Variants in DCP2 observed in about 807,000 individuals in gnomAD.
DCP2 encodes m7GpppN-mRNA hydrolase.
A neutral mutation model predicts 56.1 loss-of-function variants in DCP2; 30 were observed. The ratio of observed to expected loss-of-function variants is 0.53; its 90% confidence interval spans 0.40 to 0.73. The LOEUF (loss-of-function observed/expected upper bound fraction) is 0.73. DCP2 is among the 30% of genes least tolerant of loss of function. DCP2 has a pLI of 0.00. For synonymous variants in DCP2, 197 were observed against 163.3 expected (o/e 1.21, Z -1.57); for missense variants, 533 against 502.7 (o/e 1.06, Z -0.58).
chr5:112,988,299 A>C (rs952933116), intron 2 of DCP2, among the ~76,000 whole-genome samples: 30 of 148,940 alleles, frequency 2.0e-4, no homozygotes, highest in African/African-American at 6.9e-4. Context: ...TGGCCAACAC[A>C]GTAAAACCCC....
intron 10 of DCP2, among the ~76,000 whole-genome samples, chr5:113,011,745 C>T (rs1471522883): frequency 6.6e-6 from 1 of 152,054 alleles, no homozygotes; most frequent in African/African-American, 2.4e-5. Flanking sequence ...GTTTTTGTTA[C>T]CTGTGCTTTT....
intron 1 of DCP2, among the ~76,000 whole-genome samples, chr5:112,980,807 G>T (rs1747970665): frequency 1.3e-5 from 2 of 151,808 alleles, no homozygotes; most frequent in Non-Finnish European, 2.9e-5. Flanking sequence ...ACTTTTACTT[G>T]TTTTGTTTTG....
At position 113,013,751 on chromosome 5, in the gene DCP2, G is replaced by C. The variant is rs1749774083; in HGVS notation, c.*267G>C. ...AGGGCATTTATTCTGTGTGACTGTGGGTTTTATTTTGTATTCTGGTTAAGA... is the reference window on the plus strand; with the variant it reads ...AGGGCATTTATTCTGTGTGACTGTGCGTTTTATTTTGTATTCTGGTTAAGA... On this transcript the variant is annotated 3_prime_UTR_variant, in exon 11 of 11. Transcript: ENST00000389063. The C allele has an allele frequency of 6.3e-6, 2 of 317,838 alleles. No individual in the cohort carries two copies. Among genetic ancestry groups the C allele is most frequent in the Non-Finnish European group, 1.1e-5 (2 of 175,634 alleles). The allele number at this position is 317,838 out of a possible 1,614,324, so 19.7% of individuals were successfully genotyped here. A position where few individuals can be genotyped will look rare whatever the true frequency, so the allele number is the denominator to read the frequency against.
chr5:112,994,704 T>C (rs1415219830), intron 4 of DCP2, among the ~76,000 whole-genome samples: 1 of 152,310 alleles, frequency 6.6e-6, no homozygotes, highest in South Asian at 2.1e-4. Context: ...AAGTATGATA[T>C]AAGGGAAAGC....
intron 8 of DCP2, among the ~76,000 whole-genome samples, chr5:113,004,841 G>C (rs1329820431): frequency 6.6e-6 from 1 of 150,728 alleles, no homozygotes; most frequent in Non-Finnish European, 1.5e-5. Flanking sequence ...AAATATACTG[G>C]GCTTGGCCAG....
At chr5:112,977,349 C>T (rs1747762070) in intron 1 of DCP2, among the ~76,000 whole-genome samples, 2 of 152,300 alleles carry the variant, frequency 1.3e-5, no homozygotes, top group African/African-American at 4.8e-5. Flanking sequence ...TGTGACTTTT[C>T]CACGCCGTGC....
At chr5:112,987,494 C>A (rs562208749) in intron 2 of DCP2, among the ~76,000 whole-genome samples, 83 of 152,150 alleles carry the variant, frequency 5.5e-4, no homozygotes, top group African/African-American at 2.0e-3. Context: ...ACTTTGTTGA[C>A]CAGGCTGGAG....
chr5:112,993,617 A>G (rs555338685), intron 4 of DCP2, among the ~76,000 whole-genome samples: 1 of 141,656 alleles, frequency 7.1e-6, no homozygotes, highest in Admixed American at 7.4e-5. Context: ...AGAGTGAAAC[A>G]CTATCTCAAA....
chr5:112,995,465 A>T (rs78125024), intron 4 of DCP2, among the ~76,000 whole-genome samples: 1,974 of 152,328 alleles, frequency 0.013, 25 homozygotes, highest in African/African-American at 0.032. Flanking sequence ...AGACTGGTCT[A>T]ACGGCAGTAA....
Position 113,014,925 on chromosome 5 carries a change from A to G in DCP2, c.*1441A>G, listed in dbSNP as rs1040785004. On this transcript the variant is annotated 3_prime_UTR_variant, in exon 11 of 11. Coordinates refer to ENST00000389063, the MANE Select transcript of DCP2 (RefSeq NM_152624.6). ...TCATGGGACTTTTAAAAGAAGGGCT[A>G]TTTAAGGAATTCACTTGGTAGTACT... 2.6e-5 allele frequency: 4 copies of G among 152,654 alleles called. No homozygotes were observed. The highest frequency in any genetic ancestry group is 1.9e-4 in the East Asian group (1 of 5,204). The allele number at this position is 152,654 out of a possible 1,614,324, so 9.5% of individuals were successfully genotyped here. A position where few individuals can be genotyped will look rare whatever the true frequency, so the allele number is the denominator to read the frequency against.
intron 8 of DCP2, among the ~76,000 whole-genome samples, chr5:113,007,677 A>G (rs552870206): frequency 5.5e-4 from 84 of 152,132 alleles, no homozygotes; most frequent in African/African-American, 2.0e-3. Flanking sequence ...GATTACAGGC[A>G]TGAGCCACTG....
rs1331868199 is a variant in DCP2 at position 113,020,380 on chromosome 5, T to C, written c.*6896T>C. ...TGCTTGGAGAAAGACTATAAGTGAA[T>C]CTACTTCAAGGGATTCTGTTCATGG... On this transcript the variant is annotated 3_prime_UTR_variant, in exon 11 of 11. Coordinates refer to ENST00000389063, the MANE Select transcript of DCP2 (RefSeq NM_152624.6). 6.6e-6 allele frequency: 1 copy of C among 152,236 alleles called. No homozygotes were observed. Among genetic ancestry groups the C allele is most frequent in the East Asian group, 1.9e-4 (1 of 5,206 alleles). The allele number at this position is 152,236 out of a possible 1,614,324, so 9.4% of individuals were successfully genotyped here.
At chr5:113,001,261 T>G (rs1208873693) in intron 5 of DCP2, 25 bp downstream of exon 5, 1 of 1,608,432 alleles carries the variant, frequency 6.2e-7, no homozygotes, top group Admixed American at 1.7e-5. Flanking sequence ...TATTTTCAGG[T>G]TACTGGACAG....
chr5:113,011,509 A>G (rs770094874), intron 10 of DCP2, among the ~76,000 whole-genome samples: 9 of 152,214 alleles, frequency 5.9e-5, no homozygotes, highest in South Asian at 2.1e-4. Context: ...CCTGTGCAGT[A>G]GATACTCATT....
At chr5:113,007,261 C>G (rs114864869) in intron 8 of DCP2, among the ~76,000 whole-genome samples, 9 of 152,224 alleles carry the variant, frequency 5.9e-5, no homozygotes, top group African/African-American at 2.2e-4. Flanking sequence ...TACCCATTTT[C>G]TGCTTTAAGA....
intron 2 of DCP2, among the ~76,000 whole-genome samples, chr5:112,986,845 CA>C (rs1309444709): frequency 1.3e-5 from 2 of 152,032 alleles, no homozygotes; most frequent in Non-Finnish European, 2.9e-5. Context: ...ACCAAAAGTA[CA>C]AAAACAGTTA....
rs143321071 is a variant in DCP2, at chr5:112,989,288, C to T, written c.206-2833C>T. On this transcript the variant is annotated intron_variant, in intron 2 of 10. Coordinates refer to ENST00000389063, the MANE Select transcript of DCP2 (RefSeq NM_152624.6). ...TATTTAAATCATCTTAGATGAGGATCCCAGTTTCTTCCTGACAAAGTTATT... is the reference window on the plus strand; with the variant it reads ...TATTTAAATCATCTTAGATGAGGATTCCAGTTTCTTCCTGACAAAGTTATT... Among the ~76,000 whole-genome samples the T allele has an allele frequency of 7.2e-5, 11 of 152,220 alleles. No homozygotes were observed. In the East Asian group the frequency reaches 2.1e-3, roughly 29 times the overall value.
chr5:113,004,094 T>C lies in DCP2; in HGVS notation c.942+17T>C. The C allele has an allele frequency of 6.3e-7, 1 of 1,599,396 alleles. No homozygotes were observed. The highest frequency in any genetic ancestry group is 8.5e-7 in the Non-Finnish European group (1 of 1,175,310). Reference sequence around the variant, plus strand: ...AAAGGAAAGGTGAGTGATACACAATTACAGTCTTTTCAGAAATTTAGATCA... The same window carrying C: ...AAAGGAAAGGTGAGTGATACACAATCACAGTCTTTTCAGAAATTTAGATCA... On this transcript the variant is annotated intron_variant, in intron 8 of 10. Coordinates refer to ENST00000389063, the MANE Select transcript of DCP2 (RefSeq NM_152624.6).
In DCP2 at chr5:112,984,701, AAAATAT is replaced by A. The variant is rs1487916332; in HGVS notation, c.54-1132_54-1127del. The A allele has an allele frequency of 3.0e-4, 24 of 79,560 alleles. 1 individual carries two copies. The highest frequency in any genetic ancestry group is 2.4e-3 in the Admixed American group (19 of 8,058). The allele number at this position is 79,560 out of a possible 1,614,324, so 4.9% of individuals were successfully genotyped here. On this transcript the variant is annotated intron_variant, in intron 1 of 10. Transcript: ENST00000389063. The stretch of plus-strand genomic sequence containing the variant: ...ATTTCTTAATTAAAAAAAAAAAAAA[AAAATAT>A]ATATATATATATATATATTTGAGAC...
Sources: gnomAD v4.1 joint callset for allele counts (sites outside exome capture counted in the v4.1 genomes callset) on GRCh38, gnomAD v4.1.1 for gene constraint, MANE v1.5 for transcripts, NCBI Gene and HGNC (gene_info 2026-07-23, HGNC 2026-07-21) for gene names.